The following VWA3A variants were observed in gnomAD, a reference collection of about 807,000 sequenced individuals.
VWA3A encodes von Willebrand factor A domain-containing protein 3A.
VWA3A carries 134 observed loss-of-function variants against 160.4 expected under a neutral mutation model. The observed-to-expected ratio is 0.84, with a 90% confidence interval of 0.73 to 0.96. The LOEUF (loss-of-function observed/expected upper bound fraction) is 0.96, where lower values mean the gene tolerates loss of function less well. VWA3A is among the 40% of genes least tolerant of loss of function. The pLI is 0.00. For synonymous variants in VWA3A, 476 were observed against 543.4 expected (o/e 0.88, Z 1.72); for missense variants, 1,310 against 1,447.9 (o/e 0.90, Z 1.55).
At position 22,141,702 on chromosome 16, in the gene VWA3A, A is replaced by T. The variant is rs1287562271; in HGVS notation, c.2494+10A>T. The T allele has an allele frequency of 1.3e-6, 2 of 1,598,546 alleles. No homozygotes were observed. The highest frequency in any genetic ancestry group is 2.3e-5 in the South Asian group (2 of 88,320). ...AAAGGGAATGACGTGGGTAAGTTAG[A>T]GGCTATACAGGTGTCTGGACAGCCC... On this transcript the variant is annotated intron_variant, in intron 24 of 33. Coordinates refer to ENST00000389398, the MANE Select transcript of VWA3A (RefSeq NM_173615.5).
intron 17 of VWA3A, 67 bp from the exon 18 acceptor site, chr16:22,131,138 C>A: frequency 6.7e-7 from 1 of 1,482,644 alleles, no homozygotes; most frequent in Non-Finnish European, 9.3e-7. Context: ...GCCTGCAAAG[C>A]CCAAAGAGGT....
chr16:22,156,067 A>C lies in VWA3A; in HGVS notation c.*50A>C, dbSNP rs28727914. On this transcript the variant is annotated 3_prime_UTR_variant, in exon 34 of 34. Coordinates refer to ENST00000389398, the MANE Select transcript of VWA3A (RefSeq NM_173615.5). ...CTGCAAAGGACCACTCACTGAGCAA[A>C]TCTCAGCCCCGAGGGCAGGATGGGA... 1.4e-3 allele frequency: 1,106 copies of C among 811,662 alleles called. 6 individuals carry two copies. In the African/African-American group the frequency reaches 0.018, roughly 13 times the overall value. The allele number at this position is 811,662 out of a possible 1,614,324, so 50.3% of individuals were successfully genotyped here.
intron 15 of VWA3A, 27 bp from the exon 16 acceptor site, chr16:22,123,586 C>T (rs183568247): frequency 2.6e-5 from 42 of 1,613,744 alleles, no homozygotes; most frequent in Admixed American, 6.7e-5. Context: ...TTTGAGCAGC[C>T]GCTCACTGTG....
At chr16:22,096,192 T>G (rs2045318780) in intron 1 of VWA3A, among the ~76,000 whole-genome samples, 1 of 151,982 alleles carries the variant, frequency 6.6e-6, no homozygotes, top group African/African-American at 2.4e-5. Flanking sequence ...GGTCCAAGAG[T>G]CAAAGTGTTG....
intron 14 of VWA3A, among the ~76,000 whole-genome samples, 164 bp from the exon 15 acceptor site, chr16:22,122,921 T>TG (rs2045770601): frequency 6.6e-6 from 1 of 151,852 alleles, no homozygotes; most frequent in African/African-American, 2.4e-5. Context: ...GTGGTGGTAT[T>TG]GGGGTGTGTG....
At chr16:22,122,769 A>G (rs1215310912) in intron 14 of VWA3A, among the ~76,000 whole-genome samples, 2 of 152,180 alleles carry the variant, frequency 1.3e-5, no homozygotes, top group African/African-American at 2.4e-5. Context: ...CCCTCCAACC[A>G]TATCTTCATG....
chr16:22,140,168 C>A lies in VWA3A; in HGVS notation c.2307C>A (p.Asp769Glu). Reference sequence around the variant, plus strand: ...CTGTTTTCTAGAGCATTAAAGATGACCCTGACAGAGAGAAGAGCCCCCCGC... The same window carrying A: ...CTGTTTTCTAGAGCATTAAAGATGAACCTGACAGAGAGAAGAGCCCCCCGC... ...PLGARMSIKD[D>E]PDREKSPPLK... The change falls in exon 23 of 34, where the codon GAC becomes GAA. Residue 769 changes from aspartate to glutamate, a missense_variant. Transcript: ENST00000389398. 1 of 1,613,498 alleles carries A rather than the reference C, an allele frequency of 6.2e-7. No homozygotes were observed. The highest frequency in any genetic ancestry group is 8.5e-7 in the Non-Finnish European group (1 of 1,179,690).
chr16:22,132,192 T>C (rs1321173447), intron 19 of VWA3A, among the ~76,000 whole-genome samples: 4 of 151,840 alleles, frequency 2.6e-5, no homozygotes, highest in African/African-American at 9.7e-5. Flanking sequence ...GAGGCCACCT[T>C]GACCAACATG....
intron 17 of VWA3A, among the ~76,000 whole-genome samples, chr16:22,129,214 C>T (rs948210472): frequency 1.5e-4 from 22 of 151,316 alleles, no homozygotes; most frequent in African/African-American, 5.3e-4. Context: ...ACGGTGAAAC[C>T]CCATCTCTAC....
Position 22,142,764 on chromosome 16 carries a change from A to G in VWA3A, c.2591A>G (p.Glu864Gly). ...AAGGATACAGTTTGCTCAAGCCAAG[A>G]GGTATTAAGTCACCCATACTAGCAC... ...PRKDTVCSSQEWVAKYGLKKL... is the reference protein window; with the variant it reads ...PRKDTVCSSQGWVAKYGLKKL... The change falls in exon 25 of 34, where the codon GAG becomes GGG. Residue 864 changes from glutamate to glycine, a missense_variant and splice_region_variant. Physicochemically the swap from Glu to Gly is moderately conservative, Grantham distance 98. Transcript: ENST00000389398. 6.4e-7 allele frequency: 1 copy of G among 1,563,616 alleles called. No individual in the cohort carries two copies. The highest frequency in any genetic ancestry group is 8.7e-7 in the Non-Finnish European group (1 of 1,152,900).
At chr16:22,134,847 G>C (rs2046012711) in intron 21 of VWA3A, among the ~76,000 whole-genome samples, 1 of 152,182 alleles carries the variant, frequency 6.6e-6, no homozygotes, top group Admixed American at 6.5e-5. Context: ...ATTACTAAGA[G>C]AACTGGATAG....
chr16:22,142,526 G>A (rs2046169800), intron 24 of VWA3A, 142 bp from the exon 25 acceptor site: 1 of 615,738 alleles, frequency 1.6e-6, no homozygotes, highest in African/African-American at 1.8e-5. Context: ...AGAGAGCATT[G>A]ATCTATTCAT....
At chr16:22,102,283 T>A (rs998867918) in intron 5 of VWA3A, among the ~76,000 whole-genome samples, 8 of 151,980 alleles carry the variant, frequency 5.3e-5, no homozygotes, top group Non-Finnish European at 1.0e-4. Flanking sequence ...CAAGGGAGGT[T>A]GAAGCTGCAG....
intron 25 of VWA3A, among the ~76,000 whole-genome samples, chr16:22,143,723 C>T (rs538633663): frequency 6.6e-6 from 1 of 150,738 alleles, no homozygotes; most frequent in Admixed American, 6.6e-5. Flanking sequence ...GTTCTTCACC[C>T]CCACTATTTC....
rs763296869 is a variant in VWA3A, at chr16:22,116,789, C to T, written c.846C>T (p.Asp282=). ...CPDQPSEILS[D]YIQQSTMGRD... is the part of the protein sequence containing the mutation. ...ATCAGCCTTCTGAAATCCTGTCTGA[C>T]TACATCCAGCAGTCCACCATGGGAA... The change falls in exon 10 of 34, where the codon GAC becomes GAT. Residue 282 remains aspartate, a synonymous_variant. Transcript: ENST00000389398. 21 of 1,613,444 alleles carry T rather than the reference C, an allele frequency of 1.3e-5. No individual in the cohort carries two copies. In the Admixed American group the frequency reaches 3.3e-4, roughly 26 times the overall value.
At chr16:22,119,724 A>T (rs1307972299) in intron 12 of VWA3A, among the ~76,000 whole-genome samples, 1 of 152,224 alleles carries the variant, frequency 6.6e-6, no homozygotes, top group Non-Finnish European at 1.5e-5. Context: ...TATTAGAATT[A>T]TAATAGTTCT....
intron 27 of VWA3A, chr16:22,147,702 CT>C: frequency 1.4e-6 from 1 of 701,268 alleles, no homozygotes; most frequent in East Asian, 2.7e-5. Context: ...TCTCTCCACC[CT>C]CGGTTCACAT....
rs940716153 is a variant in VWA3A, at chr16:22,100,283, C to T, written c.315C>T (p.Thr105=). The T allele has an allele frequency of 1.7e-5, 26 of 1,551,430 alleles. No individual in the cohort carries two copies. The highest frequency in any genetic ancestry group is 2.3e-5 in the Non-Finnish European group (26 of 1,146,980). ...SAHSLKCQKL[T]LADLISQGTE... is the part of the protein sequence containing the mutation. ...ACAGTTTAAAATGTCAGAAACTCACCTTGGCTGACCTGATAAGCCAGGGCA... is the reference window on the plus strand; with the variant it reads ...ACAGTTTAAAATGTCAGAAACTCACTTTGGCTGACCTGATAAGCCAGGGCA... Residue 105 remains threonine (T), a synonymous_variant, in exon 4 of 34, where the codon ACC becomes ACT. Transcript: ENST00000389398.
chr16:22,108,408 C>T (rs2045510241), intron 6 of VWA3A, among the ~76,000 whole-genome samples: 3 of 152,088 alleles, frequency 2.0e-5, no homozygotes. Flanking sequence ...TGCTGGTTGG[C>T]CTTAGATGCA....
Sources: allele counts gnomAD v4.1 joint callset (sites outside exome capture counted in the v4.1 genomes callset), GRCh38; gene constraint gnomAD v4.1.1; transcripts MANE v1.5; gene names NCBI Gene and HGNC (gene_info 2026-07-23, HGNC 2026-07-21).